The following UTP4 variants were observed in gnomAD, a reference collection of about 807,000 sequenced individuals.
UTP4 encodes the protein U3 small nucleolar RNA-associated protein 4 homolog.
Under a neutral mutation model 82.4 loss-of-function variants are expected in UTP4, and 45 were observed. That is an observed-to-expected ratio of 0.55 (90% CI 0.43 to 0.70). UTP4 has a LOEUF of 0.70. Among genes scored for constraint, UTP4 ranks in the 30% least tolerant of loss-of-function variants. UTP4 has a pLI of 0.00. For missense variants in UTP4, 819 were observed against 858.3 expected, an observed-to-expected ratio of 0.95 and a Z score of 0.57; for synonymous variants, 348 against 300.3, an observed-to-expected ratio of 1.16 and a Z score of -1.64.
intron 5 of UTP4, among the ~76,000 whole-genome samples, chr16:69,142,730 G>A (rs1189923472): frequency 3.3e-5 from 5 of 152,154 alleles, no homozygotes; most frequent in Non-Finnish European, 7.3e-5. Context: ...TCCCTTTCCT[G>A]TGGGATTTTG....
At chr16:69,161,870 C>A (rs1963570002) in intron 13 of UTP4, among the ~76,000 whole-genome samples, 1 of 151,986 alleles carries the variant, frequency 6.6e-6, no homozygotes, top group South Asian at 2.1e-4. Context: ...CTGTGTTGCC[C>A]AGGCTGGTCT....
chr16:69,168,433 CAAAAAAAAAAAA>C (rs34234554), intron 16 of UTP4, among the ~76,000 whole-genome samples: 1 of 51,604 alleles, frequency 1.9e-5, no homozygotes, highest in African/African-American at 7.2e-5. Flanking sequence ...GAGACTGTCT[CAAAAAAAAAAAA>C]AAAAAAAAAA....
In UTP4 at chr16:69,166,890, C is replaced by G. The variant is rs920748348; in HGVS notation, c.1834-185C>G. ...TCTCTCCTTTTCTTCTTTTTTTCCC[C>G]CCTAGTTTTTCTGAATAGAGGTATT... is the stretch of plus-strand genomic sequence containing the variant. On this transcript the variant is annotated intron_variant, in intron 15 of 16. Coordinates refer to ENST00000314423, the MANE Select transcript of UTP4 (RefSeq NM_032830.3). The G allele has an allele frequency of 1.5e-5, 9 of 596,296 alleles. No individual in the cohort carries two copies. The African/African-American group carries it at 1.7e-4, about 11-fold the overall frequency. 36.9% of individuals were successfully genotyped at this position (596,296 alleles called of 1,614,324 possible).
Position 69,142,547 on chromosome 16 carries a change from C to T in UTP4, c.527-631C>T, listed in dbSNP as rs566933725. 8.4e-4 allele frequency among the ~76,000 whole-genome samples: 128 copies of T among 152,234 alleles called. 2 individuals are homozygous for T. Among genetic ancestry groups the T allele is most frequent in the Admixed American group, 2.6e-3 (40 of 15,284 alleles). On this transcript the variant is annotated intron_variant, in intron 5 of 16. Coordinates refer to ENST00000314423, the MANE Select transcript of UTP4 (RefSeq NM_032830.3). ...ATCCCTCTTTGAAGCCCCACTTACT[C>T]CTTTTCTAGAATATCTGGGGTCCCC...
At chr16:69,167,304 T>C in intron 16 of UTP4, 119 bp downstream of exon 16, 1 of 735,082 alleles carries the variant, frequency 1.4e-6, no homozygotes, top group Non-Finnish European at 2.4e-6. Flanking sequence ...ACCTGGCTTG[T>C]GGGAGACAAG....
intron 6 of UTP4, among the ~76,000 whole-genome samples, chr16:69,147,440 G>C (rs1597140477): frequency 6.6e-6 from 1 of 151,390 alleles, no homozygotes; most frequent in East Asian, 2.0e-4. Flanking sequence ...GGGAGGCGGA[G>C]GTTGCAGTGA....
At chr16:69,165,192 C>CA (rs1185940401) in intron 14 of UTP4, 149 bp from the exon 15 acceptor site, 2 of 682,366 alleles carry the variant, frequency 2.9e-6, no homozygotes, top group African/African-American at 3.7e-5. Context: ...GAGACTCCAT[C>CA]TCAAAAAAAA....
chr16:69,168,468 C>T (rs1255959033), intron 16 of UTP4, among the ~76,000 whole-genome samples: 2 of 143,910 alleles, frequency 1.4e-5, no homozygotes, highest in African/African-American at 5.1e-5. Flanking sequence ...GGCTCCCAAT[C>T]TTGAGCCAGG....
chr16:69,146,392 A>G (rs761499645), intron 6 of UTP4, among the ~76,000 whole-genome samples: 6 of 152,170 alleles, frequency 3.9e-5, no homozygotes, highest in Admixed American at 6.5e-5. Context: ...AACATTTGTT[A>G]TTTTGTATCT....
rs140648109 is a variant in UTP4 at position 69,160,769 on chromosome 16, G to C, written c.1551+307G>C. ...GTGCCTCCACACCTGGCTAATTTTT[G>C]TATTTTAATAGAGACAGGGTTTCAC... On this transcript the variant is annotated intron_variant, in intron 13 of 16. Coordinates refer to ENST00000314423, the MANE Select transcript of UTP4 (RefSeq NM_032830.3). Among the ~76,000 whole-genome samples the C allele has an allele frequency of 9.2e-3, 1,396 of 151,728 alleles. 21 individuals carry two copies. The highest frequency in any genetic ancestry group is 0.032 in the African/African-American group (1,324 of 41,376).
intron 15 of UTP4, 191 bp from the exon 16 acceptor site, chr16:69,166,876 CTTCTTTTT>C (rs779134819): frequency 1.5e-5 from 9 of 588,232 alleles, no homozygotes; most frequent in Non-Finnish European, 2.7e-5. Context: ...CTCTCCTTTT[CTTCTTTTT>C]TTCCCCCCTA....
In UTP4 at chr16:69,150,677, G is replaced by A. The variant is rs758783445; in HGVS notation, c.879G>A (p.Val293=). ...ATCACACTCATGACGTGCGCACTGTGGCCCACAGCCCAACAGCGCTGATAT... is the reference window on the plus strand; with the variant it reads ...ATCACACTCATGACGTGCGCACTGTAGCCCACAGCCCAACAGCGCTGATAT... ...FQHHTHDVRT[V]AHSPTALISG... is the part of the protein sequence containing the mutation. The change falls in exon 7 of 17, where the codon GTG becomes GTA. Residue 293 remains valine (V), a synonymous_variant. Coordinates refer to ENST00000314423, the MANE Select transcript of UTP4 (RefSeq NM_032830.3). 6.2e-7 allele frequency: 1 copy of A among 1,614,200 alleles called. No homozygotes were observed. The highest frequency in any genetic ancestry group is 1.7e-5 in the Admixed American group (1 of 60,018).
chr16:69,158,823 A>C (rs995663384), intron 12 of UTP4, among the ~76,000 whole-genome samples: 6 of 152,100 alleles, frequency 3.9e-5, no homozygotes, highest in African/African-American at 1.2e-4. Flanking sequence ...GCTTGTTATA[A>C]AGCCATGTTA....
At position 69,154,913 on chromosome 16, in the gene UTP4, A is replaced by G. The variant is rs768795741; in HGVS notation, c.1164+456A>G. Among the ~76,000 whole-genome samples, 51 of 151,644 alleles carry G rather than the reference A, an allele frequency of 3.4e-4. 1 individual carries two copies. Among genetic ancestry groups the G allele is most frequent in the Non-Finnish European group, 3.7e-4 (25 of 67,928 alleles). ...CCGGCTAATTTTTTGTATTTTTAGT[A>G]GAGATGGGGTTGGTCAGGCTGGTCT... On this transcript the variant is annotated intron_variant, in intron 10 of 16. Transcript: ENST00000314423.
chr16:69,167,175 A>T lies in UTP4; in HGVS notation c.1934A>T (p.Lys645Met). 6.3e-7 allele frequency: 1 copy of T among 1,598,692 alleles called. No homozygotes were observed. The highest frequency in any genetic ancestry group is 8.6e-7 in the Non-Finnish European group (1 of 1,165,972). Reference protein sequence around the residue: ...RRTAHAFKISKIYKPLLFMDL... With the variant: ...RRTAHAFKISMIYKPLLFMDL... ...ACAGCTCATGCTTTTAAAATTTCTA[A>T]GATATATAAGGTAAAACATCTTGTG... Residue 645 changes from lysine to methionine, a missense_variant, in exon 16 of 17, where the codon AAG becomes ATG. Coordinates refer to ENST00000314423, the MANE Select transcript of UTP4 (RefSeq NM_032830.3).
intron 6 of UTP4, among the ~76,000 whole-genome samples, chr16:69,146,926 CA>C (rs1309321511): frequency 6.8e-6 from 1 of 148,048 alleles, no homozygotes; most frequent in Non-Finnish European, 1.5e-5. Flanking sequence ...TGGCGTGAAC[CA>C]GAGAGGCGGA....
intron 6 of UTP4, among the ~76,000 whole-genome samples, chr16:69,143,926 C>T (rs558872175): frequency 5.8e-4 from 88 of 151,794 alleles, no homozygotes; most frequent in Middle Eastern, 6.8e-3. Flanking sequence ...TCATTCTTGT[C>T]GCCCAGGCTG....
Position 69,143,033 on chromosome 16 carries a change from T to A in UTP4, c.527-145T>A. On this transcript the variant is annotated intron_variant, in intron 5 of 16. Transcript: ENST00000314423. ...CTTACCGCAGGCGGGTTTGTTATGT[T>A]GTTTCGTAGAGATGAGGTCTCACTT... The A allele has an allele frequency of 3.8e-6, 3 of 792,480 alleles. No individual in the cohort carries two copies. The East Asian group carries it at 7.7e-5, about 20-fold the overall frequency. 49.1% of individuals were successfully genotyped at this position (792,480 alleles called of 1,614,324 possible).
chr16:69,146,934 C>T (rs1422153669), intron 6 of UTP4, among the ~76,000 whole-genome samples: 1 of 144,330 alleles, frequency 6.9e-6, no homozygotes, highest in African/African-American at 2.6e-5. Context: ...ACCAGAGAGG[C>T]GGAGCTTGCA....
Sources: allele counts gnomAD v4.1 joint callset (sites outside exome capture counted in the v4.1 genomes callset), GRCh38; gene constraint gnomAD v4.1.1; transcripts MANE v1.5; gene names NCBI Gene and HGNC (gene_info 2026-07-23, HGNC 2026-07-21).